SIGLECL1: variants seen among roughly 807,000 people sequenced by gnomAD.
The protein encoded by SIGLECL1 is SIGLEC family-like protein 1.
A neutral mutation model predicts 19.1 loss-of-function variants in SIGLECL1; 16 were observed. The observed-to-expected ratio is 0.84, with a 90% CI of 0.57 to 1.27. The LOEUF is 1.27. Among genes scored for constraint, SIGLECL1 ranks in the 50% most tolerant of loss-of-function variants. SIGLECL1 has a pLI of 0.00. For synonymous variants in SIGLECL1, 89 were observed against 90.4 expected, an observed-to-expected ratio of 0.98 and a Z score of 0.09; for missense variants, 210 against 239.4, an observed-to-expected ratio of 0.88 and a Z score of 0.81.
At chr19:51,267,143 G>C (rs1485928369) in intron 4 of SIGLECL1, among the ~76,000 whole-genome samples, 5 of 152,162 alleles carry the variant, frequency 3.3e-5, no homozygotes, top group Non-Finnish European at 5.9e-5. Flanking sequence ...CCAGTTGCAA[G>C]GCCCTTTCTT....
chr19:51,254,932 T>C (rs1424076946), intron 1 of SIGLECL1, among the ~76,000 whole-genome samples: 1 of 152,166 alleles, frequency 6.6e-6, no homozygotes, highest in Admixed American at 6.5e-5. Context: ...ACTTAGTTTA[T>C]ACCAAATACA....
intron 1 of SIGLECL1, among the ~76,000 whole-genome samples, chr19:51,252,671 C>T (rs755400787): frequency 6.6e-6 from 1 of 151,970 alleles, no homozygotes; most frequent in Non-Finnish European, 1.5e-5. Flanking sequence ...GAAACTTGGG[C>T]GATATCTTTT....
chr19:51,267,546 T>A lies in SIGLECL1; in HGVS notation c.567+17T>A, dbSNP rs191319767. 4 of 1,612,936 alleles carry A rather than the reference T, an allele frequency of 2.5e-6. No individual in the cohort carries two copies. The highest frequency in any genetic ancestry group is 8.5e-7 in the Non-Finnish European group (1 of 1,179,492). ...CGGATATTGGTATGTACCTATTGTG[T>A]CTGGAATCTAGTCTATCGGAATACT... On this transcript the variant is annotated intron_variant, in intron 5 of 5. Coordinates refer to ENST00000601727, the MANE Select transcript of SIGLECL1 (RefSeq NM_001385465.1).
At chr19:51,249,082 G>T (rs542629894), upstream of SIGLECL1, among the ~76,000 whole-genome samples, 14 of 152,174 alleles carry the variant, frequency 9.2e-5, no homozygotes. Flanking sequence ...TATAAAGATG[G>T]CAAAGGATAT....
At chr19:51,252,737 A>C (rs2123379630) in intron 1 of SIGLECL1, among the ~76,000 whole-genome samples, 1 of 152,278 alleles carries the variant, frequency 6.6e-6, no homozygotes, top group South Asian at 2.1e-4. Flanking sequence ...GGGAGCACAG[A>C]CCACTCAGAG....
intron 1 of SIGLECL1, among the ~76,000 whole-genome samples, chr19:51,256,473 C>T (rs775667869): frequency 6.6e-5 from 10 of 152,128 alleles, no homozygotes; most frequent in East Asian, 3.9e-4. Context: ...GAAAGTCAAA[C>T]GCATGGAAGC....
At chr19:51,252,368 T>A (rs573953614) in intron 1 of SIGLECL1, among the ~76,000 whole-genome samples, 1 of 152,104 alleles carries the variant, frequency 6.6e-6, no homozygotes, top group African/African-American at 2.4e-5. Flanking sequence ...ATGTATGCTC[T>A]AAAACTGATG....
intron 1 of SIGLECL1, among the ~76,000 whole-genome samples, chr19:51,255,563 T>C (rs1982749983): frequency 6.6e-6 from 1 of 152,042 alleles, no homozygotes; most frequent in Admixed American, 6.6e-5. Context: ...ATATCCAAAA[T>C]ACATAAGGAA....
At chr19:51,264,845 G>T (rs781581516) in intron 2 of SIGLECL1, among the ~76,000 whole-genome samples, 1 of 152,150 alleles carries the variant, frequency 6.6e-6, no homozygotes, top group African/African-American at 2.4e-5. Context: ...TATTGAATGG[G>T]TAATACTTCA....
rs143268965 is a variant in SIGLECL1, at chr19:51,255,399, T to C, written c.-191+3854T>C. ...GGTTTGGGAAATAGTTATTTGGATA[T>C]TTCTGCAAAAACACAGGAAACAAAA... is the stretch of plus-strand genomic sequence containing the variant. On this transcript the variant is annotated intron_variant, in intron 1 of 5. Transcript: ENST00000601727. Among the ~76,000 whole-genome samples the C allele has an allele frequency of 2.4e-3, 359 of 152,290 alleles. 1 individual carries two copies. The highest frequency in any genetic ancestry group is 4.0e-3 in the Non-Finnish European group (272 of 68,034).
intron 1 of SIGLECL1, 89 bp from the exon 2 acceptor site, chr19:51,263,794 G>A: frequency 2.9e-6 from 1 of 340,428 alleles, no homozygotes; most frequent in African/African-American, 2.1e-5. Flanking sequence ...AAGCAGACAT[G>A]ACACTGAGGC....
chr19:51,261,478 C>T (rs373518136), intron 1 of SIGLECL1, among the ~76,000 whole-genome samples: 7 of 151,968 alleles, frequency 4.6e-5, no homozygotes, highest in African/African-American at 1.2e-4. Flanking sequence ...TTAGTAGAGA[C>T]GGGGTTTCAC....
chr19:51,252,676 T>C (rs1982566105), intron 1 of SIGLECL1, among the ~76,000 whole-genome samples: 3 of 152,146 alleles, frequency 2.0e-5, no homozygotes, highest in South Asian at 2.1e-4. Flanking sequence ...TTGGGCGATA[T>C]CTTTTTTATG....
intron 4 of SIGLECL1, among the ~76,000 whole-genome samples, chr19:51,266,519 A>T (rs1362140084): frequency 6.6e-6 from 1 of 152,122 alleles, no homozygotes; most frequent in Non-Finnish European, 1.5e-5. Context: ...AAATCTAAAA[A>T]AAAAAAAAAA....
At position 51,253,502 on chromosome 19, in the gene SIGLECL1, T is replaced by C. The variant is rs115382146; in HGVS notation, c.-191+1957T>C. On this transcript the variant is annotated intron_variant, in intron 1 of 5. Transcript: ENST00000601727. ...GTAAGCATTTGTAGGCCAAACAAAA[T>C]TCATTTATGATTGTTTTTAGTCTCT... Among the ~76,000 whole-genome samples the C allele has an allele frequency of 2.5e-3, 384 of 152,336 alleles. 1 individual carries two copies. Among genetic ancestry groups the C allele is most frequent in the African/African-American group, 8.8e-3 (367 of 41,578 alleles).
chr19:51,249,239 G>T (rs1295448709), upstream of SIGLECL1, among the ~76,000 whole-genome samples: 1 of 152,070 alleles, frequency 6.6e-6, no homozygotes, highest in Admixed American at 6.6e-5. Context: ...AAGCAGAGAA[G>T]CGAGGAAAAG....
At chr19:51,265,745 T>A (rs746230636) in intron 3 of SIGLECL1, 32 bp from the exon 4 acceptor site, 1 of 1,613,754 alleles carries the variant, frequency 6.2e-7, no homozygotes, top group Admixed American at 1.7e-5. Context: ...TTGGCTCCGA[T>A]GCCAAACTTC....
chr19:51,266,121 G>A (rs571876760), intron 4 of SIGLECL1, among the ~76,000 whole-genome samples: 1 of 152,294 alleles, frequency 6.6e-6, no homozygotes, highest in East Asian at 1.9e-4. Flanking sequence ...AGACCAAGAA[G>A]GGACTTGGCA....
intron 4 of SIGLECL1, among the ~76,000 whole-genome samples, chr19:51,266,288 C>T (rs757354651): frequency 3.3e-5 from 5 of 152,034 alleles, no homozygotes; most frequent in Non-Finnish European, 5.9e-5. Flanking sequence ...CAAAAGTTCT[C>T]GAGGCACCGA....
Sources: gnomAD v4.1 joint callset for allele counts (sites outside exome capture counted in the v4.1 genomes callset) on GRCh38, gnomAD v4.1.1 for gene constraint, MANE v1.5 for transcripts, NCBI Gene and HGNC (gene_info 2026-07-23, HGNC 2026-07-21) for gene names.